ZNF519: variants seen among roughly 807,000 people sequenced by gnomAD.
The protein encoded by ZNF519 is similar to Zinc finger protein 85 (Zinc finger protein HPF4) (HTF1).
In ZNF519, 7 loss-of-function variants were observed where a neutral mutation model predicts 7.4. That is an observed-to-expected ratio of 0.94 (90% CI 0.54 to 1.77). The LOEUF is 1.77. Ranked by LOEUF, ZNF519 falls within the 40% of genes most tolerant of loss-of-function variation. ZNF519 has a pLI of 0.00. For synonymous variants in ZNF519, 179 were observed against 203.3 expected, an observed-to-expected ratio of 0.88 and a Z score of 1.02; for missense variants, 586 against 623.1, an observed-to-expected ratio of 0.94 and a Z score of 0.63.
At chr18:14,120,993 A>C (rs2046267194) in intron 2 of ZNF519, among the ~76,000 whole-genome samples, 2 of 152,100 alleles carry the variant, frequency 1.3e-5, no homozygotes, top group South Asian at 4.1e-4. Context: ...ACAGAGAAGA[A>C]TACTATTCAG....
At chr18:14,081,983 T>A (rs1200326116) in intron 3 of ZNF519, among the ~76,000 whole-genome samples, 1 of 151,772 alleles carries the variant, frequency 6.6e-6, no homozygotes, top group African/African-American at 2.4e-5. Context: ...TTAAAAACTA[T>A]GAAAATAAAA....
At chr18:14,078,265 A>G (rs1598505848) in exon 4 of ZNF519, 1 of 152,350 alleles carries the variant, frequency 6.6e-6, no homozygotes, top group East Asian at 1.9e-4. Context: ...CTGGGGGTTG[A>G]GGACTTCTGC....
chr18:14,074,147 T>C (rs757654515), downstream of ZNF519: 1 of 152,178 alleles, frequency 6.6e-6, no homozygotes, highest in Non-Finnish European at 1.5e-5. Context: ...GACTGCATCA[T>C]TCAGATGTTT....
At chr18:14,123,073 T>G (rs1353493896) in intron 2 of ZNF519, 1 of 180,572 alleles carries the variant, frequency 5.5e-6, no homozygotes, top group African/African-American at 2.4e-5. Flanking sequence ...TGACCTTTGG[T>G]CCCCTTGCCT....
chr18:14,111,584 GA>G (rs1169571756), intron 2 of ZNF519, among the ~76,000 whole-genome samples: 5 of 150,740 alleles, frequency 3.3e-5, no homozygotes, highest in African/African-American at 9.7e-5. Flanking sequence ...TAACAAAGAT[GA>G]AAAAGGAGAC....
chr18:14,116,956 A>T (rs2046248922), intron 2 of ZNF519, among the ~76,000 whole-genome samples: 1 of 152,216 alleles, frequency 6.6e-6, no homozygotes, highest in Admixed American at 6.5e-5. Context: ...GGTTGCAGTG[A>T]ACCAAGATCA....
At chr18:14,110,586 A>C (rs1402046471) in intron 2 of ZNF519, among the ~76,000 whole-genome samples, 1 of 152,212 alleles carries the variant, frequency 6.6e-6, no homozygotes, top group Non-Finnish European at 1.5e-5. Flanking sequence ...TAATCTAAAA[A>C]TGCTCAACAT....
intron 2 of ZNF519, 173 bp downstream of exon 2, chr18:14,124,177 T>TAAAAAA: frequency 2.6e-6 from 1 of 391,416 alleles, no homozygotes; most frequent in African/African-American, 2.5e-5. Flanking sequence ...CTGTCTCAAT[T>TAAAAAA]AAAAAAAAAA....
At chr18:14,125,181 C>A (rs2046292388) in intron 1 of ZNF519, among the ~76,000 whole-genome samples, 1 of 152,178 alleles carries the variant, frequency 6.6e-6, no homozygotes, top group African/African-American at 2.4e-5. Context: ...ACACACATAT[C>A]CTTCATCCAA....
chr18:14,124,584 TAA>T (rs2046287532), intron 1 of ZNF519, 108 bp from the exon 2 acceptor site: 1 of 1,317,502 alleles, frequency 7.6e-7, no homozygotes, highest in African/African-American at 1.5e-5. Flanking sequence ...TCTGATAAAA[TAA>T]CTTTTAACAC....
chr18:14,128,565 G>A (rs568311304), intron 1 of ZNF519, among the ~76,000 whole-genome samples: 68 of 152,194 alleles, frequency 4.5e-4, no homozygotes, highest in African/African-American at 1.4e-3. Flanking sequence ...GCAATGTGGA[G>A]TTAGACACCT....
exon 5 of ZNF519, chr18:14,077,322 T>A (rs2046051372): frequency 6.6e-6 from 1 of 152,280 alleles, no homozygotes; most frequent in Non-Finnish European, 1.5e-5. Context: ...CAGACAGGAA[T>A]ACTTACTGTA....
chr18:14,095,961 C>A (rs1453831489), downstream of ZNF519, among the ~76,000 whole-genome samples: 4 of 152,236 alleles, frequency 2.6e-5, no homozygotes, highest in Non-Finnish European at 4.4e-5. Flanking sequence ...GTGGGGTTCA[C>A]TCGTGGCCTA....
chr18:14,072,265 C>T (rs979663453), downstream of ZNF519: 7 of 152,118 alleles, frequency 4.6e-5, no homozygotes, highest in Non-Finnish European at 1.0e-4. Context: ...CATAAAAACA[C>T]GTTTTTAAGT....
chr18:14,071,703 G>T (rs909044287), downstream of ZNF519: 1 of 152,002 alleles, frequency 6.6e-6, no homozygotes, highest in African/African-American at 2.4e-5. Flanking sequence ...GCAAAATGCA[G>T]GACACCAATA....
rs569337020 is a variant in ZNF519, at chr18:14,106,155, G to A, written c.385C>T (p.Gln129Ter). Residue 129 changes from glutamine (Q) to a stop codon, truncating the protein, a stop_gained, in exon 3 of 3, where the codon CAG (glutamine) becomes TAG (stop). Coordinates refer to ENST00000590202, the MANE Select transcript of ZNF519 (RefSeq NM_145287.4). LOFTEE classifies it low-confidence loss of function (END_TRUNC). Reference sequence around the variant, plus strand: ...TCTGTAGGAGCAGCTGACAGAAACTGAGGCTTCTTCTGAAATATTCTATAT... The same window carrying A: ...TCTGTAGGAGCAGCTGACAGAAACTAAGGCTTCTTCTGAAATATTCTATAT... The part of the protein sequence containing the change: ...KEYRIFQKKP[Q>*]FLSAAPTEPC... 29 of 1,611,812 alleles carry A rather than the reference G, an allele frequency of 1.8e-5. No individual in the cohort carries two copies. Among genetic ancestry groups the A allele is most frequent in the Admixed American group, 1.2e-4 (7 of 59,480 alleles).
At position 14,114,965 on chromosome 18, in the gene ZNF519, T is replaced by TA. The variant is rs1043086628; in HGVS notation, c.131-8557dup. Among the ~76,000 whole-genome samples the TA allele has an allele frequency of 6.6e-5, 10 of 152,068 alleles. No homozygotes were observed. In the East Asian group the frequency reaches 1.7e-3, roughly 26 times the overall value. On this transcript the variant is annotated intron_variant, in intron 2 of 2. Transcript: ENST00000590202. ...AAAATTAAAAAATAAAATTTAAAAG[T>TA]AAAAAATATATATAAATTTAAGTTG...
chr18:14,123,938 CA>C (rs2046283022), intron 2 of ZNF519: 1 of 153,700 alleles, frequency 6.5e-6, no homozygotes, highest in Non-Finnish European at 1.4e-5. Flanking sequence ...TTGGGAGGCC[CA>C]GGCGGGTGGA....
intron 2 of ZNF519, among the ~76,000 whole-genome samples, chr18:14,085,433 A>C (rs11661770): frequency 0.18 from 26,980 of 152,058 alleles, 3,078 homozygotes; most frequent in Non-Finnish European, 0.26. Context: ...TTTTTGGAAA[A>C]AATCTTTAAG....
Sources: allele counts gnomAD v4.1 joint callset (sites outside exome capture counted in the v4.1 genomes callset), GRCh38; gene constraint gnomAD v4.1.1; transcripts MANE v1.5; gene names NCBI Gene and HGNC (gene_info 2026-07-23, HGNC 2026-07-21).